Variants in GPR89A observed in about 807,000 individuals in gnomAD.
GPR89A encodes the protein G protein-coupled receptor 89A.
GPR89A carries 16 observed loss-of-function variants against 52.0 expected under a neutral mutation model. That is an observed-to-expected ratio of 0.31 (90% CI 0.21 to 0.47). The LOEUF is 0.47. GPR89A is among the 20% of genes least tolerant of loss of function. The pLI is 1.00. For synonymous variants in GPR89A, 55 were observed against 150.9 expected (o/e 0.36, Z 4.66); for missense variants, 135 against 449.4 (o/e 0.30, Z 6.33).
intron 11 of GPR89A, 70 bp from the exon 12 acceptor site, chr1:145,665,492 G>A: frequency 6.3e-7 from 1 of 1,595,180 alleles, no homozygotes. Flanking sequence ...TAAATGATCG[G>A]GATATAGCTT....
In GPR89A at chr1:145,634,605, G is replaced by C. The variant is rs1490767791; in HGVS notation, c.617+2861G>C. Among the ~76,000 whole-genome samples, 8 of 150,562 alleles carry C rather than the reference G, an allele frequency of 5.3e-5. No homozygotes were observed. In the South Asian group the frequency reaches 1.2e-3, roughly 23 times the overall value. ...AAAGCATAGGCTCTGAAATCAGACT[G>C]TGTATGAATTTGAATCCTTGATCTA... is the stretch of plus-strand genomic sequence containing the variant. On this transcript the variant is annotated intron_variant, in intron 7 of 13. Coordinates refer to ENST00000313835, the MANE Select transcript of GPR89A (RefSeq NM_001097612.2).
intron 1 of GPR89A, among the ~76,000 whole-genome samples, chr1:145,609,474 G>A (rs1318377286): frequency 6.6e-6 from 1 of 152,058 alleles, no homozygotes; most frequent in Non-Finnish European, 1.5e-5. Context: ...ATGTATTAAT[G>A]TAAAAAAACC....
At chr1:145,656,170 T>C (rs1195385000) in intron 10 of GPR89A, among the ~76,000 whole-genome samples, 1 of 152,144 alleles carries the variant, frequency 6.6e-6, no homozygotes, top group African/African-American at 2.4e-5. Flanking sequence ...CCTGCAGTGA[T>C]GGTGGCTGTC....
At chr1:145,652,516 A>G (rs1450969417) in intron 10 of GPR89A, among the ~76,000 whole-genome samples, 1 of 127,664 alleles carries the variant, frequency 7.8e-6, no homozygotes, top group Non-Finnish European at 1.6e-5. Flanking sequence ...GCCTCATAAA[A>G]TGAGTTAGGG....
chr1:145,653,317 T>A (rs1180801524), intron 10 of GPR89A, among the ~76,000 whole-genome samples: 1 of 137,598 alleles, frequency 7.3e-6, no homozygotes, highest in Non-Finnish European at 1.5e-5. Context: ...AGTTCTAATT[T>A]GATTGTCCTG....
Position 145,608,002 on chromosome 1 carries a change from T to A in GPR89A, c.-132T>A. On this transcript the variant is annotated 5_prime_UTR_variant, in exon 1 of 14. Transcript: ENST00000313835. ...CTGACTGGGGCGCAGCTTGATGGCG[T>A]CGGGCTGGAGAGCCGCAGTCCCGGC... 2.0e-6 allele frequency: 2 copies of A among 1,013,714 alleles called. No homozygotes were observed. Among genetic ancestry groups the A allele is most frequent in the Admixed American group, 2.4e-5 (1 of 41,586 alleles). The allele number at this position is 1,013,714 out of a possible 1,614,324, so 62.8% of individuals were successfully genotyped here. A position where few individuals can be genotyped will look rare whatever the true frequency, so the allele number is the denominator to read the frequency against.
At chr1:145,666,004 A>AG (rs1417821833) in intron 12 of GPR89A, among the ~76,000 whole-genome samples, 1 of 147,156 alleles carries the variant, frequency 6.8e-6, no homozygotes, top group Non-Finnish European at 1.5e-5. Context: ...AAAAAAAAAA[A>AG]TAGGTGGTAC....
At chr1:145,660,501 C>T (rs1253681023) in intron 10 of GPR89A, among the ~76,000 whole-genome samples, 1 of 151,162 alleles carries the variant, frequency 6.6e-6, no homozygotes, top group Non-Finnish European at 1.5e-5. Flanking sequence ...AAGAAACTAC[C>T]ATCAGAGTGA....
chr1:145,608,259 C>G (rs1553685327), intron 1 of GPR89A, 84 bp downstream of exon 1: 1 of 1,573,580 alleles, frequency 6.4e-7, no homozygotes, highest in African/African-American at 1.4e-5. Flanking sequence ...GCGGGCTGGT[C>G]CGGGGTCTCG....
At chr1:145,655,024 C>T (rs1553694282) in intron 10 of GPR89A, among the ~76,000 whole-genome samples, 3 of 149,038 alleles carry the variant, frequency 2.0e-5, no homozygotes, top group Non-Finnish European at 1.5e-5. Context: ...ACCTTGTCTG[C>T]CTGTCTTATT....
In GPR89A at chr1:145,663,435, T is replaced by C; in HGVS notation, c.1005+11T>C. 1.9e-6 allele frequency: 3 copies of C among 1,610,278 alleles called. No individual in the cohort carries two copies. Among genetic ancestry groups the C allele is most frequent in the Non-Finnish European group, 2.5e-6 (3 of 1,178,720 alleles). ...GGAATCCAATTTGATGTAAGTGTTA[T>C]ATCAAGATCCTGGTTTGTCATGTTT... On this transcript the variant is annotated intron_variant, in intron 11 of 13. Coordinates refer to ENST00000313835, the MANE Select transcript of GPR89A (RefSeq NM_001097612.2).
intron 11 of GPR89A, among the ~76,000 whole-genome samples, chr1:145,663,713 C>T (rs1652364860): frequency 6.6e-6 from 1 of 152,192 alleles, no homozygotes; most frequent in Admixed American, 6.5e-5. Context: ...CTCTGCTTCT[C>T]TATAGGCAGC....
At chr1:145,624,477 T>C (rs1459315381) in intron 5 of GPR89A, among the ~76,000 whole-genome samples, 2 of 148,828 alleles carry the variant, frequency 1.3e-5, no homozygotes, top group East Asian at 3.9e-4. Flanking sequence ...CTGTAATAAA[T>C]ATACTACAGG....
intron 11 of GPR89A, among the ~76,000 whole-genome samples, chr1:145,663,800 ACAAC>A (rs1652372382): frequency 6.6e-6 from 1 of 152,154 alleles, no homozygotes; most frequent in South Asian, 2.1e-4. Flanking sequence ...CTTCAAACAC[ACAAC>A]TCAGCTTTGA....
At chr1:145,610,969 C>CTTAAGTCCTA (rs1648226386) in intron 1 of GPR89A, among the ~76,000 whole-genome samples, 1 of 152,114 alleles carries the variant, frequency 6.6e-6, no homozygotes, top group Non-Finnish European at 1.5e-5. Flanking sequence ...AGAGTACACT[C>CTTAAGTCCTA]TTAAGTCCTA....
At chr1:145,657,325 A>G (rs1316276525) in intron 10 of GPR89A, among the ~76,000 whole-genome samples, 2 of 148,304 alleles carry the variant, frequency 1.3e-5, no homozygotes, top group African/African-American at 5.1e-5. Context: ...CAGAAGTCCA[A>G]GGCCTCAGTG....
intron 1 of GPR89A, among the ~76,000 whole-genome samples, chr1:145,610,364 G>A (rs1553685903): frequency 1.3e-5 from 2 of 152,016 alleles, no homozygotes; most frequent in Non-Finnish European, 2.9e-5. Flanking sequence ...TTATTGATGG[G>A]ACCCTGGCTC....
chr1:145,613,475 CTAT>C (rs1648443852), intron 1 of GPR89A, among the ~76,000 whole-genome samples: 1 of 152,138 alleles, frequency 6.6e-6, no homozygotes, highest in Non-Finnish European at 1.5e-5. Context: ...CCATACCGCT[CTAT>C]ATAATATAAA....
chr1:145,663,501 T>G, intron 11 of GPR89A, 77 bp downstream of exon 11: 1 of 1,592,776 alleles, frequency 6.3e-7, no homozygotes, highest in East Asian at 2.2e-5. Flanking sequence ...AAGATTCTAA[T>G]TTGTATACTT....
Sources: gnomAD v4.1 joint callset for allele counts (sites outside exome capture counted in the v4.1 genomes callset) on GRCh38, gnomAD v4.1.1 for gene constraint, MANE v1.5 for transcripts, NCBI Gene and HGNC (gene_info 2026-07-23, HGNC 2026-07-21) for gene names.